Variants in TCERG1L observed in about 807,000 individuals in gnomAD.
TCERG1L encodes the protein transcription elongation regulator 1-like protein.
In TCERG1L, 37 loss-of-function variants were observed where a neutral mutation model predicts 56.3. The observed-to-expected ratio is 0.66, with a 90% CI of 0.51 to 0.87. The LOEUF (loss-of-function observed/expected upper bound fraction) is 0.87, where lower values mean the gene tolerates loss of function less well. TCERG1L is among the 40% of genes least tolerant of loss of function. The pLI, the probability that TCERG1L is intolerant of heterozygous loss-of-function variation, is 0.00. For synonymous variants in TCERG1L, 324 were observed against 326.3 expected (o/e 0.99, Z 0.08); for missense variants, 799 against 774.2 (o/e 1.03, Z -0.38).
intron 11 of TCERG1L, among the ~76,000 whole-genome samples, chr10:131,097,531 TAG>T (rs1845262493): frequency 6.6e-6 from 1 of 151,986 alleles, no homozygotes; most frequent in African/African-American, 2.4e-5. Flanking sequence ...GTATTTTTAG[TAG>T]AGACAGGGTT....
chr10:131,235,282 G>A (rs374819804), intron 4 of TCERG1L, among the ~76,000 whole-genome samples: 19 of 152,298 alleles, frequency 1.2e-4, no homozygotes, highest in African/African-American at 4.3e-4. Flanking sequence ...TATATTTCAC[G>A]TTGGAGAAGA....
intron 8 of TCERG1L, among the ~76,000 whole-genome samples, chr10:131,125,063 G>C (rs956899986): frequency 4.6e-5 from 7 of 152,164 alleles, no homozygotes; most frequent in Non-Finnish European, 8.8e-5. Context: ...ATGCATTTAA[G>C]GTATTTAACA....
chr10:131,239,509 T>A (rs1845948851), intron 4 of TCERG1L, among the ~76,000 whole-genome samples: 1 of 152,132 alleles, frequency 6.6e-6, no homozygotes, highest in South Asian at 2.1e-4. Context: ...TGAAAACAAG[T>A]TTGGTAAAAA....
At position 131,146,557 on chromosome 10, in the gene TCERG1L, T is replaced by A; in HGVS notation, c.1138A>T (p.Asn380Tyr). 1 of 1,613,886 alleles carries A rather than the reference T, an allele frequency of 6.2e-7. No homozygotes were observed. The highest frequency in any genetic ancestry group is 8.5e-7 in the Non-Finnish European group (1 of 1,179,814). ...PMDLKDRGDLNRIIEDPPHKR... is the reference protein window; with the variant it reads ...PMDLKDRGDLYRIIEDPPHKR... The stretch of plus-strand genomic sequence containing the variant: ...TGGGGCGGGTCCTCAATGATCCTGT[T>A]GAGGTCTCCGCGGTCCTTCAGGTCC... The change falls in exon 7 of 12, where the codon AAC becomes TAC. Residue 380 changes from asparagine to tyrosine, a missense_variant. Transcript: ENST00000368642.
At chr10:131,194,623 T>C (rs1312503382) in intron 4 of TCERG1L, among the ~76,000 whole-genome samples, 1 of 152,218 alleles carries the variant, frequency 6.6e-6, no homozygotes, top group Non-Finnish European at 1.5e-5. Context: ...CAAAATTATA[T>C]ACTAATTCTC....
chr10:131,285,528 G>GGAAGA lies in TCERG1L; in HGVS notation c.670+22682_670+22683insTCTTC, dbSNP rs1554899544. Among the ~76,000 whole-genome samples the GGAAGA allele has an allele frequency of 1.4e-4, 2 of 14,394 alleles. 1 individual carries two copies. The highest frequency in any genetic ancestry group is 5.1e-3 in the East Asian group (2 of 396). The allele number at this position is 14,394 out of a possible 152,430, so 9.4% of individuals were successfully genotyped here. The stretch of plus-strand genomic sequence containing the variant: ...AGAAAGAAAGAAAGAAAGAAAGAGA[G>GGAAGA]AAAGAAAAGAAAAGAAAGAAAGGAA... On this transcript the variant is annotated intron_variant, in intron 3 of 11. Transcript: ENST00000368642.
intron 4 of TCERG1L, among the ~76,000 whole-genome samples, chr10:131,177,001 C>CACCA (rs1846166822): frequency 1.8e-5 from 1 of 56,474 alleles, no homozygotes. Context: ...GGTGTACACA[C>CACCA]AGACACATGC....
In TCERG1L at chr10:131,134,459, A is replaced by C; in HGVS notation, c.1190-11T>G. 1 of 1,581,908 alleles carries C rather than the reference A, an allele frequency of 6.3e-7. No homozygotes were observed. ...CATCGCTGTTGTCAGCTGAAAGAAAATCAGATGAACAGGGTTAGAGTTGTC... is the reference window on the plus strand; with the variant it reads ...CATCGCTGTTGTCAGCTGAAAGAAACTCAGATGAACAGGGTTAGAGTTGTC... On this transcript the variant is annotated splice_polypyrimidine_tract_variant and intron_variant, in intron 7 of 11. Transcript: ENST00000368642.
intron 9 of TCERG1L, among the ~76,000 whole-genome samples, chr10:131,112,082 G>A (rs1845417988): frequency 7.0e-6 from 1 of 142,892 alleles, no homozygotes; most frequent in Non-Finnish European, 1.6e-5. Context: ...CGCTGGGGCT[G>A]TAGAAGTTCA....
chr10:131,189,131 A>G (rs926938104), intron 4 of TCERG1L, among the ~76,000 whole-genome samples: 1 of 152,230 alleles, frequency 6.6e-6, no homozygotes, highest in African/African-American at 2.4e-5. Flanking sequence ...TCTAGAAGTT[A>G]CAGATTGTTG....
At chr10:131,109,988 C>T (rs561081508) in intron 9 of TCERG1L, among the ~76,000 whole-genome samples, 4 of 152,182 alleles carry the variant, frequency 2.6e-5, no homozygotes, top group Admixed American at 6.5e-5. Context: ...AGATAGTGGC[C>T]GGCTGGCAGC....
chr10:131,100,475 G>A (rs181844679), intron 10 of TCERG1L, among the ~76,000 whole-genome samples: 30 of 152,104 alleles, frequency 2.0e-4, no homozygotes, highest in Admixed American at 1.7e-3. Context: ...ATTTAACATC[G>A]CAGGTTTTGT....
intron 4 of TCERG1L, among the ~76,000 whole-genome samples, chr10:131,213,618 G>C (rs1397257268): frequency 6.6e-6 from 1 of 152,184 alleles, no homozygotes; most frequent in Non-Finnish European, 1.5e-5. Flanking sequence ...CTCCAGCACT[G>C]CTGTGGAGAT....
intron 8 of TCERG1L, among the ~76,000 whole-genome samples, chr10:131,127,127 A>C: frequency 6.6e-6 from 1 of 152,248 alleles, no homozygotes; most frequent in Middle Eastern, 3.2e-3. Context: ...AAACAAAAAC[A>C]AACGGCAGGA....
chr10:131,277,183 A>G (rs1289541274), intron 3 of TCERG1L, among the ~76,000 whole-genome samples: 1 of 152,162 alleles, frequency 6.6e-6, no homozygotes, highest in Non-Finnish European at 1.5e-5. Flanking sequence ...GGGCGGGGCC[A>G]CACTCAGAAC....
intron 4 of TCERG1L, among the ~76,000 whole-genome samples, chr10:131,176,489 C>T (rs1846151881): frequency 2.0e-5 from 3 of 151,122 alleles, no homozygotes; most frequent in Non-Finnish European, 3.0e-5. Context: ...CGTGTACACA[C>T]ACCAAGAAAC....
chr10:131,272,693 A>G (rs1490164579), intron 3 of TCERG1L, among the ~76,000 whole-genome samples: 1 of 152,148 alleles, frequency 6.6e-6, no homozygotes, highest in Non-Finnish European at 1.5e-5. Flanking sequence ...CTGGTCTGTG[A>G]ACTGTGCCGT....
chr10:131,178,213 T>G (rs1479938504), intron 4 of TCERG1L, among the ~76,000 whole-genome samples: 1 of 152,030 alleles, frequency 6.6e-6, no homozygotes, highest in African/African-American at 2.4e-5. Flanking sequence ...TTGCCTTTAC[T>G]AGAATTGCAG....
chr10:131,228,679 CAGGCATTTCCTCAAGGCCTCCG>C, intron 4 of TCERG1L, among the ~76,000 whole-genome samples: 3 of 72,240 alleles, frequency 4.2e-5, no homozygotes, highest in Non-Finnish European at 5.7e-5. Context: ...CCCCTCCAGA[CAGGCATTTCCTCAAGGCCTCCG>C]GAGTCTCCCC....
Sources: allele counts gnomAD v4.1 joint callset (sites outside exome capture counted in the v4.1 genomes callset), GRCh38; gene constraint gnomAD v4.1.1; transcripts MANE v1.5; gene names NCBI Gene and HGNC (gene_info 2026-07-23, HGNC 2026-07-21).